RSF1: variants seen among roughly 807,000 people sequenced by gnomAD.
RSF1 encodes HBV pX-associated protein 8.
Under a neutral mutation model 145.2 loss-of-function variants are expected in RSF1, and 13 were observed. That is an observed-to-expected ratio of 0.09 (90% CI 0.06 to 0.14). The LOEUF is 0.14. Ranked by LOEUF, RSF1 falls within the 10% of genes least tolerant of loss-of-function variation. The pLI, the probability that RSF1 is intolerant of heterozygous loss-of-function variation, is 1.00. For synonymous variants in RSF1, 577 were observed against 592.6 expected (o/e 0.97, Z 0.38); for missense variants, 1,517 against 1,718.2 (o/e 0.88, Z 2.07).
At chr11:77,743,995 C>T (rs1423422789) in intron 3 of RSF1, among the ~76,000 whole-genome samples, 1 of 152,088 alleles carries the variant, frequency 6.6e-6, no homozygotes, top group African/African-American at 2.4e-5. Flanking sequence ...CCTTCATTCT[C>T]TTAATGTGGA....
At chr11:77,752,679 C>G (rs72949614) in intron 2 of RSF1, among the ~76,000 whole-genome samples, 4 of 151,918 alleles carry the variant, frequency 2.6e-5, no homozygotes, top group African/African-American at 9.7e-5. Context: ...TTGGATGTCG[C>G]CCCAGATGAG....
chr11:77,805,240 G>GGGTGGATCACCTGAGGTC, intron 1 of RSF1, among the ~76,000 whole-genome samples: 1 of 152,210 alleles, frequency 6.6e-6, no homozygotes, highest in Non-Finnish European at 1.5e-5. Flanking sequence ...AGGCTGAGGT[G>GGGTGGATCACCTGAGGTC]GGTGGATCAC....
rs59330210 is a variant in RSF1 at position 77,745,196 on chromosome 11, TTTTG to T, written c.372+1836_372+1839del. Among the ~76,000 whole-genome samples, 3 of 152,212 alleles carry T rather than the reference TTTTG, an allele frequency of 2.0e-5. No individual in the cohort carries two copies. The East Asian group carries it at 5.8e-4, about 29-fold the overall frequency. On this transcript the variant is annotated intron_variant, in intron 3 of 15. Coordinates refer to ENST00000308488, the MANE Select transcript of RSF1 (RefSeq NM_016578.4). The stretch of plus-strand genomic sequence containing the variant: ...TCTTAGCCTAGCTAAAGGTTGTCAG[TTTTG>T]TTTATCTTCTCAAAAACCAACTCTT...
chr11:77,765,058 G>C (rs1343013358), intron 1 of RSF1, among the ~76,000 whole-genome samples: 1 of 152,076 alleles, frequency 6.6e-6, no homozygotes, highest in Non-Finnish European at 1.5e-5. Flanking sequence ...TATGGGGACA[G>C]GGATACATGG....
At chr11:77,825,663 A>T (rs551619593), upstream of RSF1, among the ~76,000 whole-genome samples, 16 of 151,742 alleles carry the variant, frequency 1.1e-4, no homozygotes, top group South Asian at 3.1e-3. Context: ...ATTGAAGAAG[A>T]CACCTTTAGA....
chr11:77,839,289 G>A, the RSF1 span, among the ~76,000 whole-genome samples: 1 of 152,092 alleles, frequency 6.6e-6, no homozygotes, highest in African/African-American at 2.4e-5. Flanking sequence ...TAGGTGCAAA[G>A]CCAACACACT....
intron 1 of RSF1, among the ~76,000 whole-genome samples, chr11:77,766,295 G>C (rs768388486): frequency 4.6e-5 from 7 of 152,150 alleles, no homozygotes; most frequent in Non-Finnish European, 1.0e-4. Flanking sequence ...CACTCTGAGG[G>C]ACAGGTTGGG....
In RSF1 at chr11:77,677,975, T is replaced by A. The variant is rs12286317; in HGVS notation, c.3133+111A>T. On this transcript the variant is annotated intron_variant, in intron 12 of 15. Coordinates refer to ENST00000308488, the MANE Select transcript of RSF1 (RefSeq NM_016578.4). Reference sequence around the variant, plus strand: ...AGACAACTAACATCAGTACTAATCATGATACATAACGGGAAAGAGAATAAA... The same window carrying A: ...AGACAACTAACATCAGTACTAATCAAGATACATAACGGGAAAGAGAATAAA... 11 of 747,426 alleles carry A rather than the reference T, an allele frequency of 1.5e-5. No homozygotes were observed. The African/African-American group carries it at 1.9e-4, about 13-fold the overall frequency. 46.3% of individuals were successfully genotyped at this position (747,426 alleles called of 1,614,324 possible). A position where few individuals can be genotyped will look rare whatever the true frequency, so the allele number is the denominator to read the frequency against.
intron 2 of RSF1, among the ~76,000 whole-genome samples, chr11:77,753,176 A>G (rs528789371): frequency 5.4e-4 from 83 of 152,362 alleles, no homozygotes; most frequent in Non-Finnish European, 1.0e-3. Context: ...TTTACCTTAT[A>G]GATTTGCCTC....
intron 14 of RSF1, among the ~76,000 whole-genome samples, chr11:77,672,631 C>T (rs1003989560): frequency 6.6e-6 from 1 of 151,620 alleles, no homozygotes; most frequent in Non-Finnish European, 1.5e-5. Context: ...CCAAACCTCA[C>T]AATATATACT....
chr11:77,842,579 T>A, the RSF1 span: 1 of 1,614,020 alleles, frequency 6.2e-7, no homozygotes, highest in South Asian at 1.1e-5. Flanking sequence ...GACTGCAAAG[T>A]ATGGCCAGGG....
chr11:77,776,232 A>G (rs958655217), intron 1 of RSF1, among the ~76,000 whole-genome samples: 2 of 152,084 alleles, frequency 1.3e-5, no homozygotes, highest in African/African-American at 2.4e-5. Flanking sequence ...AAACAAACAA[A>G]AACGGGGAAA....
intron 5 of RSF1, among the ~76,000 whole-genome samples, chr11:77,704,449 G>A (rs1402859187): frequency 3.3e-5 from 5 of 152,168 alleles, no homozygotes; most frequent in Admixed American, 1.3e-4. Flanking sequence ...CTGATCCAAC[G>A]TAAAATTAAG....
At chr11:77,750,593 G>C (rs1948051708) in intron 2 of RSF1, among the ~76,000 whole-genome samples, 2 of 152,190 alleles carry the variant, frequency 1.3e-5, no homozygotes, top group Admixed American at 1.3e-4. Flanking sequence ...GAAATTAGCT[G>C]TGTCTATCAG....
intron 5 of RSF1, among the ~76,000 whole-genome samples, chr11:77,704,404 T>C (rs917659967): frequency 4.6e-5 from 7 of 152,228 alleles, no homozygotes; most frequent in Admixed American, 1.3e-4. Flanking sequence ...CCCTATTCTA[T>C]GGTTCAGAAA....
At chr11:77,794,841 G>C (rs887716586) in intron 1 of RSF1, among the ~76,000 whole-genome samples, 2 of 152,124 alleles carry the variant, frequency 1.3e-5, no homozygotes, top group Non-Finnish European at 2.9e-5. Context: ...CATAGTACTG[G>C]AAGTCCTAGC....
chr11:77,766,271 T>C (rs1174708681), intron 1 of RSF1, among the ~76,000 whole-genome samples: 1 of 152,226 alleles, frequency 6.6e-6, no homozygotes, highest in Non-Finnish European at 1.5e-5. Context: ...ATCCACTATC[T>C]TGTAGGATAC....
In RSF1 at chr11:77,676,783, A is replaced by T; in HGVS notation, c.3341+9T>A. ...TCTAGGGATCGGGGCCTAGTAGGAG[A>T]CCACACACCCATCACTGATCTTGAA... On this transcript the variant is annotated intron_variant, in intron 13 of 15. Transcript: ENST00000308488. The T allele has an allele frequency of 6.2e-7, 1 of 1,611,294 alleles. No homozygotes were observed. Among genetic ancestry groups the T allele is most frequent in the Non-Finnish European group, 8.5e-7 (1 of 1,178,144 alleles).
chr11:77,671,199 A>G (rs150540631), intron 15 of RSF1, among the ~76,000 whole-genome samples: 1,351 of 113,718 alleles, frequency 0.012, 26 homozygotes, highest in African/African-American at 0.039. Flanking sequence ...ATATGTGTGT[A>G]TATATATATA....
Sources: gnomAD v4.1 joint callset for allele counts (sites outside exome capture counted in the v4.1 genomes callset) on GRCh38, gnomAD v4.1.1 for gene constraint, MANE v1.5 for transcripts, NCBI Gene and HGNC (gene_info 2026-07-23, HGNC 2026-07-21) for gene names.